DCHS2: variants seen among roughly 807,000 people sequenced by gnomAD.
The protein encoded by DCHS2 is protocadherin-23.
A neutral mutation model predicts 182.4 loss-of-function variants in DCHS2; 142 were observed. That is an observed-to-expected ratio of 0.78 (90% CI 0.68 to 0.89). The LOEUF is 0.89. Ranked by LOEUF, DCHS2 falls within the 40% of genes least tolerant of loss-of-function variation. DCHS2 has a pLI of 0.00. For synonymous variants in DCHS2, 1,740 were observed against 1,663.3 expected, an observed-to-expected ratio of 1.05 and a Z score of -1.12; for missense variants, 4,319 against 4,198.6, an observed-to-expected ratio of 1.03 and a Z score of -0.79.
chr4:154,381,671 C>T (rs555657857), intron 1 of DCHS2, among the ~76,000 whole-genome samples: 1 of 152,022 alleles, frequency 6.6e-6, no homozygotes, highest in Non-Finnish European at 1.5e-5. Context: ...ATCAAGAACA[C>T]AATCCCATTT....
chr4:154,480,018 C>T (rs1735859275), intron 1 of DCHS2, among the ~76,000 whole-genome samples: 1 of 152,178 alleles, frequency 6.6e-6, no homozygotes, highest in Non-Finnish European at 1.5e-5. Context: ...ACCGTTCCTA[C>T]TTAAAATAAT....
intron 3 of DCHS2, among the ~76,000 whole-genome samples, chr4:154,339,633 A>G (rs961385477): frequency 6.6e-6 from 1 of 152,050 alleles, no homozygotes; most frequent in African/African-American, 2.4e-5. Context: ...TATTTTTAGT[A>G]GAGAGGGGTT....
intron 13 of DCHS2, among the ~76,000 whole-genome samples, chr4:154,292,122 G>T (rs971892773): frequency 1.3e-5 from 2 of 152,022 alleles, no homozygotes; most frequent in African/African-American, 2.4e-5. Flanking sequence ...TTTTTGAAAT[G>T]TAAAAAAACA....
At chr4:154,326,740 C>A (rs1346799092) in intron 7 of DCHS2, among the ~76,000 whole-genome samples, 3 of 152,082 alleles carry the variant, frequency 2.0e-5, no homozygotes, top group Non-Finnish European at 4.4e-5. Flanking sequence ...CTCTTTTTAA[C>A]TGGCCCATTT....
At chr4:154,361,230 T>C (rs1730106870) in intron 3 of DCHS2, among the ~76,000 whole-genome samples, 1 of 152,156 alleles carries the variant, frequency 6.6e-6, no homozygotes, top group South Asian at 2.1e-4. Context: ...AACCTGCCTG[T>C]TGCCTTAAAA....
At position 154,240,541 on chromosome 4, in the gene DCHS2, T is replaced by A. The variant is rs749833386; in HGVS notation, c.7355A>T (p.Tyr2452Phe). The A allele has an allele frequency of 6.2e-7, 1 of 1,613,282 alleles. No homozygotes were observed. The highest frequency in any genetic ancestry group is 8.5e-7 in the Non-Finnish European group (1 of 1,179,462). ...GCATCTCTTTAAGCCCTTTACCTGA[T>A]AGAAATCTTGAGAAAACACTGGTGG... ...DNPPVFSQDF[Y>F]QVTVPESIPV... The change falls in exon 18 of 20, where the codon TAT becomes TTT. Residue 2452 changes from tyrosine to phenylalanine, a missense_variant. By Grantham distance (22) the Tyr-to-Phe change is conservative. Coordinates refer to ENST00000357232, the MANE Select transcript of DCHS2 (RefSeq NM_001358235.2).
Position 154,236,495 on chromosome 4 carries a change from A to C in DCHS2, c.8157T>G (p.Thr2719=). Residue 2719 remains threonine, a synonymous_variant, in exon 20 of 20, where the codon ACT becomes ACG. Transcript: ENST00000357232. ...EKGHFYLEEN[T]GVLYLIKPLD... is the part of the protein sequence containing the mutation. Reference sequence around the variant, plus strand: ...GAGGTTTAATCAAATAAAGAACTCCAGTGTTTTCTTCTAAGTAAAAATGTC... The same window carrying C: ...GAGGTTTAATCAAATAAAGAACTCCCGTGTTTTCTTCTAAGTAAAAATGTC... 6.2e-7 allele frequency: 1 copy of C among 1,614,032 alleles called. No individual in the cohort carries two copies. Among genetic ancestry groups the C allele is most frequent in the East Asian group, 2.2e-5 (1 of 44,860 alleles).
chr4:154,328,158 G>T lies in DCHS2; in HGVS notation c.3953C>A (p.Thr1318Lys). The change falls in exon 7 of 20, where the codon ACA becomes AAA. Residue 1318 changes from threonine (T) to lysine (K), a missense_variant. Transcript: ENST00000357232. ...LEGQPVNMLV[T>K]TVFAKDPDEG... ...ATCAGGATCCTTTGCAAACACAGTT[G>T]TAACCAACATATTTACTGGTTGACC... is the stretch of plus-strand genomic sequence containing the variant. 1 of 1,608,798 alleles carries T rather than the reference G, an allele frequency of 6.2e-7. No homozygotes were observed. Among genetic ancestry groups the T allele is most frequent in the Admixed American group, 1.7e-5 (1 of 59,184 alleles).
rs768270731 is a variant in DCHS2, at chr4:154,333,442, C to T, written c.2766G>A (p.Lys922=). The T allele has an allele frequency of 2.5e-6, 4 of 1,613,784 alleles. No individual in the cohort carries two copies. Among genetic ancestry groups the T allele is most frequent in the Admixed American group, 1.7e-5 (1 of 59,984 alleles). The change falls in exon 5 of 20, where the codon AAG becomes AAA. Residue 922 remains lysine, a synonymous_variant. Transcript: ENST00000357232. The stretch of plus-strand genomic sequence containing the variant: ...TGCCCAGCCGCGGGTGAATGGAGAA[C>T]TTTCCGCCGAGATCACCAGAAGAAA... ...YRISSGDLGG[K]FSIHPRLGTI...
At chr4:154,278,995 CT>C in intron 13 of DCHS2, among the ~76,000 whole-genome samples, 1 of 152,034 alleles carries the variant, frequency 6.6e-6, no homozygotes, top group Non-Finnish European at 1.5e-5. Context: ...GAAAAAATCA[CT>C]TTTATTCTGG....
rs149321584 is a variant in DCHS2 at position 154,424,587 on chromosome 4, C to T, written c.2053-47143G>A. Among the ~76,000 whole-genome samples, 397 of 152,250 alleles carry T rather than the reference C, an allele frequency of 2.6e-3. 1 individual carries two copies. Among genetic ancestry groups the T allele is most frequent in the African/African-American group, 9.1e-3 (379 of 41,546 alleles). ...ATTAAATTGAATTACTACATCAAACCAGAATCTCTTGGATTTTAGAATAAA... is the reference window on the plus strand; with the variant it reads ...ATTAAATTGAATTACTACATCAAACTAGAATCTCTTGGATTTTAGAATAAA... On this transcript the variant is annotated intron_variant, in intron 1 of 19. Transcript: ENST00000357232.
In DCHS2 at chr4:154,315,216, A is replaced by G. The variant is rs1578954016; in HGVS notation, c.5260+532T>C. Among the ~76,000 whole-genome samples, 4 of 152,188 alleles carry G rather than the reference A, an allele frequency of 2.6e-5. No homozygotes were observed. In the East Asian group the frequency reaches 7.7e-4, roughly 29 times the overall value. Reference sequence around the variant, plus strand: ...AATTCATTCATACTCATAACAAACTATAATTTAGGCTCTGTTATTATCTCC... The same window carrying G: ...AATTCATTCATACTCATAACAAACTGTAATTTAGGCTCTGTTATTATCTCC... On this transcript the variant is annotated intron_variant, in intron 10 of 19. Coordinates refer to ENST00000357232, the MANE Select transcript of DCHS2 (RefSeq NM_001358235.2).
In DCHS2 at chr4:154,431,634, T is replaced by C. The variant is rs576420852; in HGVS notation, c.2053-54190A>G. Among the ~76,000 whole-genome samples, 3 of 152,338 alleles carry C rather than the reference T, an allele frequency of 2.0e-5. No individual in the cohort carries two copies. In the South Asian group the frequency reaches 6.2e-4, roughly 32 times the overall value. On this transcript the variant is annotated intron_variant, in intron 1 of 19. Coordinates refer to ENST00000357232, the MANE Select transcript of DCHS2 (RefSeq NM_001358235.2). The stretch of plus-strand genomic sequence containing the variant: ...ATGCAGATAATAACATCAGTCCCAG[T>C]TAAATCTCTTCCAGGACTTGTAATG...
At position 154,332,586 on chromosome 4, in the gene DCHS2, C is replaced by T; in HGVS notation, c.3622G>A (p.Gly1208Arg). ...ATAGCTGTAATTTTGCCTATTACCCCTTGGGGAACAGGGCTCTCTTCGACT... is the reference window on the plus strand; with the variant it reads ...ATAGCTGTAATTTTGCCTATTACCCTTTGGGGAACAGGGCTCTCTTCGACT... ...LKVEESPVPQ[G>R]VIGKITAIDM... The change falls in exon 5 of 20, where the codon GGG becomes AGG. Residue 1208 changes from glycine (G) to arginine (R), a missense_variant. Physicochemically the swap from Gly to Arg is moderately radical, Grantham distance 125 (BLOSUM62 -2). Coordinates refer to ENST00000357232, the MANE Select transcript of DCHS2 (RefSeq NM_001358235.2). 2 of 1,614,152 alleles carry T rather than the reference C, an allele frequency of 1.2e-6. No individual in the cohort carries two copies. The highest frequency in any genetic ancestry group is 1.7e-6 in the Non-Finnish European group (2 of 1,179,994).
chr4:154,371,331 C>T (rs190714975), intron 2 of DCHS2, among the ~76,000 whole-genome samples: 56 of 152,178 alleles, frequency 3.7e-4, no homozygotes, highest in African/African-American at 1.3e-3. Context: ...AGCAGGGCAC[C>T]CAACTCACTT....
chr4:154,464,019 G>A (rs999111159), intron 1 of DCHS2, among the ~76,000 whole-genome samples: 2 of 152,076 alleles, frequency 1.3e-5, no homozygotes, highest in Non-Finnish European at 2.9e-5. Flanking sequence ...AAGTCTATCC[G>A]TCCAAAGTAC....
intron 3 of DCHS2, among the ~76,000 whole-genome samples, chr4:154,348,582 C>T (rs1457870721): frequency 6.6e-6 from 1 of 151,622 alleles, no homozygotes; most frequent in Non-Finnish European, 1.5e-5. Flanking sequence ...TTAAGGGTGC[C>T]CTAAATCCAA....
rs760862487 is a variant in DCHS2, at chr4:154,232,010, G to C, written c.*2526C>G. The C allele has an allele frequency of 7.2e-5, 11 of 152,020 alleles. No individual in the cohort carries two copies. Among genetic ancestry groups the C allele is most frequent in the Non-Finnish European group, 1.6e-4 (11 of 67,990 alleles). The allele number at this position is 152,020 out of a possible 1,614,324, so 9.4% of individuals were successfully genotyped here. The stretch of plus-strand genomic sequence containing the variant: ...TATTTTTAAGGCTGCCAACAAGAAA[G>C]TCCAGAATTTCATCAGGCAGCCAAA... On this transcript the variant is annotated 3_prime_UTR_variant, in exon 20 of 20. Transcript: ENST00000357232.
intron 10 of DCHS2, among the ~76,000 whole-genome samples, chr4:154,309,431 C>T (rs1735586562): frequency 6.6e-6 from 1 of 152,166 alleles, no homozygotes. Flanking sequence ...TTTGCTACTC[C>T]TTTGCAAGGC....
Sources: gnomAD v4.1 joint callset for allele counts (sites outside exome capture counted in the v4.1 genomes callset) on GRCh38, gnomAD v4.1.1 for gene constraint, MANE v1.5 for transcripts, NCBI Gene and HGNC (gene_info 2026-07-23, HGNC 2026-07-21) for gene names.